ADH1C: variants seen among roughly 807,000 people sequenced by gnomAD.
ADH1C encodes the protein alcohol dehydrogenase 1C.
Under a neutral mutation model 35.0 loss-of-function variants are expected in ADH1C, and 26 were observed. The observed-to-expected ratio is 0.74, with a 90% CI of 0.54 to 1.03. ADH1C has a LOEUF of 1.03. Among genes scored for constraint, ADH1C ranks in the 50% least tolerant of loss-of-function variants. The pLI, the probability that ADH1C is intolerant of heterozygous loss-of-function variation, is 0.00. For synonymous variants in ADH1C, 170 were observed against 169.3 expected, an observed-to-expected ratio of 1.00 and a Z score of -0.03; for missense variants, 413 against 465.4, an observed-to-expected ratio of 0.89 and a Z score of 1.04.
intron 1 of ADH1C, among the ~76,000 whole-genome samples, chr4:99,348,227 T>C (rs1272099325): frequency 6.6e-6 from 1 of 151,042 alleles, no homozygotes; most frequent in Non-Finnish European, 1.5e-5. Context: ...CTGCACCCAC[T>C]AACTCGTCAT....
intron 1 of ADH1C, among the ~76,000 whole-genome samples, chr4:99,352,231 A>T (rs987584757): frequency 6.6e-6 from 1 of 151,932 alleles, no homozygotes; most frequent in Non-Finnish European, 1.5e-5. Flanking sequence ...GTTCACAAAA[A>T]ATATGAATAC....
At chr4:99,346,561 C>T (rs932210177) in intron 3 of ADH1C, among the ~76,000 whole-genome samples, 1 of 152,054 alleles carries the variant, frequency 6.6e-6, no homozygotes, top group Non-Finnish European at 1.5e-5. Flanking sequence ...TTTCTTCAGC[C>T]ATAACCATGC....
At chr4:99,346,982 G>T in intron 3 of ADH1C, 24 bp downstream of exon 3, 1 of 1,609,896 alleles carries the variant, frequency 6.2e-7, no homozygotes, top group Non-Finnish European at 8.5e-7. Context: ...ACCAAGGCAT[G>T]TTCCCTGAGT....
rs931089065 is a variant in ADH1C, at chr4:99,347,794, A to G, written c.71T>C (p.Ile24Thr). 2 of 1,613,792 alleles carry G rather than the reference A, an allele frequency of 1.2e-6. No homozygotes were observed. The highest frequency in any genetic ancestry group is 1.3e-5 in the African/African-American group (1 of 74,930). ...VLWELKKPFS[I>T]EEVEVAPPKA... ...AGGAGGTGCAACCTCTACCTCCTCA[A>G]TGGAAAAGGGTTTCTTTAACTCCCA... is the stretch of plus-strand genomic sequence containing the variant. The change falls in exon 2 of 9, where the codon ATT (isoleucine) becomes ACT (threonine). Residue 24 changes from isoleucine to threonine, a missense_variant. Physicochemically the swap from Ile to Thr is moderately conservative, Grantham distance 89. Transcript: ENST00000515683.
At chr4:99,339,834 G>A in intron 7 of ADH1C, 119 bp from the exon 8 acceptor site, 1 of 979,872 alleles carries the variant, frequency 1.0e-6, no homozygotes, top group Non-Finnish European at 1.5e-6. Flanking sequence ...TGCTATAACT[G>A]AGGATAATAA....
Position 99,347,866 on chromosome 4 carries a change from G to C in ADH1C, c.19-20C>G. 2 of 1,612,804 alleles carry C rather than the reference G, an allele frequency of 1.2e-6. No homozygotes were observed. The highest frequency in any genetic ancestry group is 1.7e-6 in the Non-Finnish European group (2 of 1,179,156). ...GATTACCTAGAACATCAGACAGAGA[G>C]ATGGTACCAGTGTTTTCCCACGCTT... On this transcript the variant is annotated intron_variant, in intron 1 of 8. Transcript: ENST00000515683.
chr4:99,342,723 G>T, intron 6 of ADH1C, 72 bp downstream of exon 6: 3 of 1,595,440 alleles, frequency 1.9e-6, no homozygotes, highest in Non-Finnish European at 2.6e-6. Context: ...TACATAATAC[G>T]TATATTCTAC....
At chr4:99,337,834 A>C (rs911165934) in intron 8 of ADH1C, among the ~76,000 whole-genome samples, 1 of 152,040 alleles carries the variant, frequency 6.6e-6, no homozygotes, top group Non-Finnish European at 1.5e-5. Flanking sequence ...TTATGAGTTT[A>C]AAATTACATT....
Position 99,348,233 on chromosome 4 carries a change from G to A in ADH1C, c.19-387C>T, listed in dbSNP as rs1007374230. On this transcript the variant is annotated intron_variant, in intron 1 of 8. Transcript: ENST00000515683. ...GCTGGTGCGCTGCACCCACTAACTC[G>A]TCATCTAGCATTAGGTATATCTCCC... Among the ~76,000 whole-genome samples, 236 of 149,148 alleles carry A rather than the reference G, an allele frequency of 1.6e-3. 1 individual carries two copies. The highest frequency in any genetic ancestry group is 5.6e-3 in the African/African-American group (226 of 40,508).
At chr4:99,341,960 C>A (rs1341685667) in intron 6 of ADH1C, among the ~76,000 whole-genome samples, 1 of 151,040 alleles carries the variant, frequency 6.6e-6, no homozygotes, top group Admixed American at 6.6e-5. Flanking sequence ...TGCAGTGAGC[C>A]ATAATCATAT....
intron 4 of ADH1C, 36 bp from the exon 5 acceptor site, chr4:99,345,117 AGACAG>A: frequency 6.2e-7 from 1 of 1,614,086 alleles, no homozygotes. Flanking sequence ...CAAAGGCATG[AGACAG>A]GACCATAACT....
intron 7 of ADH1C, 35 bp from the exon 8 acceptor site, chr4:99,339,750 C>T: frequency 1.3e-6 from 2 of 1,576,874 alleles, no homozygotes; most frequent in East Asian, 2.3e-5. Flanking sequence ...TAGATTCAAC[C>T]AGGGTAAGTA....
At chr4:99,351,661 T>G (rs1247705236) in intron 1 of ADH1C, among the ~76,000 whole-genome samples, 2 of 152,216 alleles carry the variant, frequency 1.3e-5, no homozygotes, top group African/African-American at 2.4e-5. Flanking sequence ...ACTCATGTGA[T>G]TTCCAACCAG....
At chr4:99,347,869 G>A (rs1250573001) in intron 1 of ADH1C, 23 bp from the exon 2 acceptor site, 1 of 1,611,940 alleles carries the variant, frequency 6.2e-7, no homozygotes, top group East Asian at 2.2e-5. Context: ...ACAGAGAGAT[G>A]GTACCAGTGT....
At chr4:99,344,111 G>T (rs1734473233) in intron 5 of ADH1C, among the ~76,000 whole-genome samples, 1 of 152,144 alleles carries the variant, frequency 6.6e-6, no homozygotes, top group South Asian at 2.1e-4. Context: ...AGATATTTTA[G>T]TCTTAGTGCT....
rs778298993 is a variant in ADH1C at position 99,345,070 on chromosome 4, G to C, written c.359C>G (p.Pro120Arg). ...NYCLKNDLGN[P>R]RGTLQDGTRR... Reference sequence around the variant, plus strand: ...GGTGCCATCCTGCAGGGTCCCCCGAGGATTGCCTAGACTGGGCAGTGCAAT... The same window carrying C: ...GGTGCCATCCTGCAGGGTCCCCCGACGATTGCCTAGACTGGGCAGTGCAAT... Residue 120 changes from proline (P) to arginine (R), a missense_variant, in exon 5 of 9, where the codon CCT (proline) becomes CGT (arginine). Transcript: ENST00000515683. 2.5e-5 allele frequency: 41 copies of C among 1,614,176 alleles called. No homozygotes were observed. Among genetic ancestry groups the C allele is most frequent in the Non-Finnish European group, 3.4e-5 (40 of 1,180,024 alleles).
chr4:99,342,313 A>G (rs1183770595), intron 6 of ADH1C, among the ~76,000 whole-genome samples: 1 of 152,158 alleles, frequency 6.6e-6, no homozygotes, highest in Non-Finnish European at 1.5e-5. Flanking sequence ...TCCTTAGGGC[A>G]TATTTTCTGT....
At position 99,347,728 on chromosome 4, in the gene ADH1C, T is replaced by G. The variant is rs1200809561; in HGVS notation, c.120+17A>C. 13 of 1,587,540 alleles carry G rather than the reference T, an allele frequency of 8.2e-6. No individual in the cohort carries two copies. The highest frequency in any genetic ancestry group is 3.5e-5 in the Admixed American group (2 of 57,318). On this transcript the variant is annotated intron_variant, in intron 2 of 8. Transcript: ENST00000515683. Reference sequence around the variant, plus strand: ...CTTTAAACTTAAAATTAAATACAAATGGAAAAAGTATTTCACCTTAATGCG... The same window carrying G: ...CTTTAAACTTAAAATTAAATACAAAGGGAAAAAGTATTTCACCTTAATGCG...
intron 1 of ADH1C, among the ~76,000 whole-genome samples, chr4:99,348,183 A>T (rs984532779): frequency 7.2e-5 from 11 of 151,940 alleles, no homozygotes; most frequent in African/African-American, 2.7e-4. Flanking sequence ...TGTGCAGGTT[A>T]GTTACATATG....
Sources: gnomAD v4.1 joint callset for allele counts (sites outside exome capture counted in the v4.1 genomes callset) on GRCh38, gnomAD v4.1.1 for gene constraint, MANE v1.5 for transcripts, NCBI Gene and HGNC (gene_info 2026-07-23, HGNC 2026-07-21) for gene names.